UACA: variants seen among roughly 807,000 people sequenced by gnomAD.
UACA encodes the protein nuclear membrane binding protein.
In UACA, 112 loss-of-function variants were observed where a neutral mutation model predicts 160.5. The observed-to-expected ratio is 0.70, with a 90% CI of 0.60 to 0.82. The LOEUF (loss-of-function observed/expected upper bound fraction) is 0.82, where lower values mean the gene tolerates loss of function less well. Among genes scored for constraint, UACA ranks in the 40% least tolerant of loss-of-function variants. UACA has a pLI of 0.00. For synonymous variants in UACA, 557 were observed against 568.4 expected, an observed-to-expected ratio of 0.98 and a Z score of 0.29; for missense variants, 1,574 against 1,614.6, an observed-to-expected ratio of 0.97 and a Z score of 0.43.
At chr15:70,683,933 C>T (rs1485508829) in intron 8 of UACA, among the ~76,000 whole-genome samples, 1 of 148,100 alleles carries the variant, frequency 6.8e-6, no homozygotes, top group African/African-American at 2.5e-5. Flanking sequence ...TTTAAAACTT[C>T]GTAAGTATAA....
At position 70,666,706 on chromosome 15, in the gene UACA, A is replaced by G; in HGVS notation, c.3960+18T>C. On this transcript the variant is annotated intron_variant, in intron 16 of 18. Transcript: ENST00000322954. ...TGGGGTTTCCAACACATAGCCGTGC[A>G]GACTACTTTGTACCTACCTTATTAT... 1 of 1,567,968 alleles carries G rather than the reference A, an allele frequency of 6.4e-7. No individual in the cohort carries two copies. The highest frequency in any genetic ancestry group is 1.4e-5 in the African/African-American group (1 of 73,236).
intron 1 of UACA, among the ~76,000 whole-genome samples, chr15:70,757,173 G>T (rs1462499477): frequency 6.6e-6 from 1 of 151,858 alleles, no homozygotes; most frequent in Non-Finnish European, 1.5e-5. Context: ...TTTTTCCATA[G>T]ATTTCCACAA....
chr15:70,757,307 T>G (rs2030488353), intron 1 of UACA, among the ~76,000 whole-genome samples: 1 of 152,238 alleles, frequency 6.6e-6, no homozygotes, highest in Non-Finnish European at 1.5e-5. Flanking sequence ...GGCAAGACTA[T>G]TAATAGGTGG....
chr15:70,777,030 C>T, the UACA span, among the ~76,000 whole-genome samples: 7 of 152,206 alleles, frequency 4.6e-5, no homozygotes, highest in African/African-American at 1.7e-4. Flanking sequence ...TGGGAAACCA[C>T]ATCATCGTTT....
chr15:70,679,304 G>A (rs1292075834), intron 10 of UACA, among the ~76,000 whole-genome samples: 1 of 151,920 alleles, frequency 6.6e-6, no homozygotes. Context: ...TAGAAGGGCT[G>A]AGGCAGGAGG....
In UACA at chr15:70,668,762, T is replaced by C. The variant is rs1417619180; in HGVS notation, c.1922A>G (p.Asn641Ser). 1.9e-6 allele frequency: 3 copies of C among 1,613,850 alleles called. No individual in the cohort carries two copies. In the Admixed American group the frequency reaches 5.0e-5, roughly 27 times the overall value. The change falls in exon 16 of 19, where the codon AAT (asparagine) becomes AGT (serine). Residue 641 changes from asparagine (N) to serine (S), a missense_variant. Asn to Ser is a conservative substitution (Grantham distance 46). Transcript: ENST00000322954. Reference sequence around the variant, plus strand: ...TTTTTTTGCTTTCTCATTCACTTCATTTGATAATGAGCTCTTCATGTTTTC... The same window carrying C: ...TTTTTTTGCTTTCTCATTCACTTCACTTGATAATGAGCTCTTCATGTTTTC... The part of the protein sequence containing the change: ...KFENMKSSLS[N>S]EVNEKAKKLV...
chr15:70,718,324 ATGTGTGTGTGTGTGTGTGTGTGTG>A (rs59313425), intron 1 of UACA, among the ~76,000 whole-genome samples: 4 of 60,178 alleles, frequency 6.6e-5, no homozygotes, highest in Non-Finnish European at 1.2e-4. Flanking sequence ...GAGAGAGAGA[ATGTGTGTGTGTGTGTGTGTGTGTG>A]TGTGTGTGTG....
At chr15:70,771,182 G>A in the UACA span, among the ~76,000 whole-genome samples, 5 of 152,158 alleles carry the variant, frequency 3.3e-5, no homozygotes, top group Non-Finnish European at 5.9e-5. Context: ...TTTCATTACC[G>A]TGCTTCCTGA....
chr15:70,677,948 T>C (rs1897348465), intron 11 of UACA, 151 bp downstream of exon 11: 1 of 567,000 alleles, frequency 1.8e-6, no homozygotes, highest in East Asian at 3.0e-5. Flanking sequence ...GTACTTTAAA[T>C]GTAAAATTTC....
chr15:70,760,793 G>C (rs1209526994), intron 1 of UACA, among the ~76,000 whole-genome samples: 2 of 144,558 alleles, frequency 1.4e-5, no homozygotes, highest in Non-Finnish European at 3.0e-5. Context: ...GCGACCGAGC[G>C]AGACTCCGTC....
chr15:70,660,078 A>G (rs1896649330), intron 18 of UACA, 73 bp downstream of exon 18: 1 of 1,266,116 alleles, frequency 7.9e-7, no homozygotes, highest in Non-Finnish European at 1.1e-6. Context: ...TTACTTTCAC[A>G]TAAATTTATT....
Position 70,743,478 on chromosome 15 carries a change from C to T in UACA, c.78+19852G>A, listed in dbSNP as rs549355762. Among the ~76,000 whole-genome samples, 6 of 152,160 alleles carry T rather than the reference C, an allele frequency of 3.9e-5. No individual in the cohort carries two copies. In the East Asian group the frequency reaches 1.2e-3, roughly 29 times the overall value. On this transcript the variant is annotated intron_variant, in intron 1 of 18. Transcript: ENST00000322954. ...CTCTGGATGTGTATTTTTCACTGCG[C>T]GTTGCAGTCAAAAAGCTTAAAGAGC...
At chr15:70,677,602 G>C (rs910420170) in intron 11 of UACA, among the ~76,000 whole-genome samples, 3 of 152,064 alleles carry the variant, frequency 2.0e-5, no homozygotes, top group Non-Finnish European at 4.4e-5. Context: ...TTCACCTGTG[G>C]TAAGTCCTGT....
At chr15:70,670,842 A>C (rs764088388) in intron 15 of UACA, among the ~76,000 whole-genome samples, 197 bp downstream of exon 15, 1 of 152,164 alleles carries the variant, frequency 6.6e-6, no homozygotes, top group East Asian at 1.9e-4. Context: ...ATCATCAAAA[A>C]CACTCTAGAG....
At chr15:70,686,567 G>A (rs1566975415) in intron 7 of UACA, among the ~76,000 whole-genome samples, 5 of 144,182 alleles carry the variant, frequency 3.5e-5, no homozygotes, top group Admixed American at 2.2e-4. Flanking sequence ...ATGTATACAT[G>A]CATCATGCTG....
At position 70,671,962 on chromosome 15, in the gene UACA, T is replaced by TA. The variant is rs1441625818; in HGVS notation, c.1168+2dup. 5 of 1,597,142 alleles carry TA rather than the reference T, an allele frequency of 3.1e-6. No individual in the cohort carries two copies. In the African/African-American group the frequency reaches 6.7e-5, roughly 21 times the overall value. ...TAATGATAATCCATACTTTTATACT[T>TA]ACGGTTACTGAAATGACTTCCTGAT... On this transcript the variant is annotated splice_region_variant and intron_variant, in intron 14 of 18. Transcript: ENST00000322954.
At chr15:70,769,338 C>CAAAAAAAAA in the UACA span, among the ~76,000 whole-genome samples, 2 of 77,718 alleles carry the variant, frequency 2.6e-5, no homozygotes, top group Non-Finnish European at 4.5e-5. Context: ...GACTCCGACT[C>CAAAAAAAAA]AAAAAAAAAA....
intron 13 of UACA, among the ~76,000 whole-genome samples, chr15:70,672,804 A>G (rs574875425): frequency 3.9e-4 from 59 of 152,120 alleles, no homozygotes; most frequent in African/African-American, 1.4e-3. Context: ...ACAAAAAAAT[A>G]CAAGAACGAG....
chr15:70,725,333 A>G (rs986584367), intron 1 of UACA, among the ~76,000 whole-genome samples: 1 of 152,216 alleles, frequency 6.6e-6, no homozygotes, highest in Non-Finnish European at 1.5e-5. Flanking sequence ...TATTGGTACT[A>G]TATGTGCCCT....
Sources: gnomAD v4.1 joint callset for allele counts (sites outside exome capture counted in the v4.1 genomes callset) on GRCh38, gnomAD v4.1.1 for gene constraint, MANE v1.5 for transcripts, NCBI Gene and HGNC (gene_info 2026-07-23, HGNC 2026-07-21) for gene names.